Variants in CATSPER1 observed in about 807,000 individuals in gnomAD.
CATSPER1 encodes cation channel sperm associated 1.
A neutral mutation model predicts 72.7 loss-of-function variants in CATSPER1; 57 were observed. That is an observed-to-expected ratio of 0.78 (90% CI 0.63 to 0.98). The LOEUF is 0.98. Ranked by LOEUF, CATSPER1 falls within the 50% of genes least tolerant of loss-of-function variation. The pLI, the probability that CATSPER1 is intolerant of heterozygous loss-of-function variation, is 0.00. For synonymous variants in CATSPER1, 363 were observed against 403.0 expected (o/e 0.90, Z 1.19); for missense variants, 910 against 1,033.9 (o/e 0.88, Z 1.64).
In CATSPER1 at chr11:66,020,029, A is replaced by G. The variant is rs758624273; in HGVS notation, c.2125+111T>C. The G allele has an allele frequency of 3.9e-5, 47 of 1,204,342 alleles. No individual in the cohort carries two copies. The highest frequency in any genetic ancestry group is 5.7e-5 in the Non-Finnish European group (47 of 831,414). 74.6% of individuals were successfully genotyped at this position (1,204,342 alleles called of 1,614,324 possible). ...GTCCTCCTGAGTCTCAAATTCTAAA[A>G]CTCTAAAACTGAGTCTGGAATTCTG... is the stretch of plus-strand genomic sequence containing the variant. On this transcript the variant is annotated intron_variant, in intron 9 of 11. Coordinates refer to ENST00000312106, the MANE Select transcript of CATSPER1 (RefSeq NM_053054.4). The surrounding 1 kb of genome is among the most constrained non-coding windows in gnomAD (Gnocchi z 4.5).
rs1038503832 is a variant in CATSPER1 at position 66,017,243 on chromosome 11, C to T, written c.2202-69G>A. 3.3e-5 allele frequency: 36 copies of T among 1,105,750 alleles called. No individual in the cohort carries two copies. The Admixed American group carries it at 5.6e-4, about 17-fold the overall frequency. 68.5% of individuals were successfully genotyped at this position (1,105,750 alleles called of 1,614,324 possible). A position where few individuals can be genotyped will look rare whatever the true frequency, so the allele number is the denominator to read the frequency against. On this transcript the variant is annotated intron_variant, in intron 10 of 11. Transcript: ENST00000312106. ...CCTGCTGGCTGGGCCTACTGCACCCCAGAACCACCCAGAGGCTCTTCTTGC... is the reference window on the plus strand; with the variant it reads ...CCTGCTGGCTGGGCCTACTGCACCCTAGAACCACCCAGAGGCTCTTCTTGC...
At chr11:66,018,207 CAAAAAAA>C (rs539636076) in intron 10 of CATSPER1, among the ~76,000 whole-genome samples, 206 of 67,756 alleles carry the variant, frequency 3.0e-3, no homozygotes, top group African/African-American at 0.01. Context: ...GACCCTGTCT[CAAAAAAA>C]AAAAAAAAAG....
rs772665049 is a variant in CATSPER1, at chr11:66,026,255, TG to T, written c.124del (p.His42IlefsTer293). On this transcript the variant is annotated frameshift_variant, in exon 1 of 12. Transcript: ENST00000312106. LOFTEE classifies it high-confidence loss of function. ...HRPGHSRALH[H>X]YELHHHGVPH... is the part of the protein sequence containing the mutation. ...CACGCCGTGATGGTGCAACTCGTAA[TG>T]GTGGAGAGCTCTGCTGTGGCCTGGC... 6.2e-7 allele frequency: 1 copy of T among 1,613,968 alleles called. No individual in the cohort carries two copies. The highest frequency in any genetic ancestry group is 8.5e-7 in the Non-Finnish European group (1 of 1,179,926).
At position 66,017,119 on chromosome 11, in the gene CATSPER1, G is replaced by T; in HGVS notation, c.2257C>A (p.Gln753Lys). 6.3e-7 allele frequency: 1 copy of T among 1,587,356 alleles called. No individual in the cohort carries two copies. ...LQLVASVEQE[Q>K]QKFRSQAAVI... is the part of the protein sequence containing the mutation. ...GCTGCCTGGGAGCGGAACTTCTGCTGCTCCTGCTCCACGCTTGCCACCAGC... is the reference window on the plus strand; with the variant it reads ...GCTGCCTGGGAGCGGAACTTCTGCTTCTCCTGCTCCACGCTTGCCACCAGC... Residue 753 changes from glutamine (Q) to lysine (K), a missense_variant, in exon 11 of 12, where the codon CAG becomes AAG. By Grantham distance (53) the Gln-to-Lys change is moderately conservative (BLOSUM62 1). Transcript: ENST00000312106.
chr11:66,023,734 G>A (rs946529030), intron 1 of CATSPER1, among the ~76,000 whole-genome samples: 1 of 151,518 alleles, frequency 6.6e-6, no homozygotes, highest in South Asian at 2.1e-4. Flanking sequence ...TTGGCTTCTG[G>A]GGATCCTGAG....
At chr11:66,023,170 C>G in intron 1 of CATSPER1, 109 bp from the exon 2 acceptor site, 3 of 1,056,154 alleles carry the variant, frequency 2.8e-6, no homozygotes, top group Non-Finnish European at 4.3e-6. Flanking sequence ...TGCTTGCTGG[C>G]CCTCTGCCTC....
chr11:66,017,182 TG>T lies in CATSPER1; in HGVS notation c.2202-9del. 1.2e-5 allele frequency: 2 copies of T among 173,874 alleles called. No homozygotes were observed. Among genetic ancestry groups the T allele is most frequent in the South Asian group, 3.4e-5 (1 of 29,080 alleles). The allele number at this position is 173,874 out of a possible 1,614,324, so 10.8% of individuals were successfully genotyped here. A position where few individuals can be genotyped will look rare whatever the true frequency, so the allele number is the denominator to read the frequency against. ...AACAGGAGCTCCTGCTGCCTGCGGG[TG>T]GGCGGGGGGGTCGCAGAGACAGGGG... On this transcript the variant is annotated splice_polypyrimidine_tract_variant and intron_variant, in intron 10 of 11. Transcript: ENST00000312106.
At position 66,020,367 on chromosome 11, in the gene CATSPER1, C is replaced by A. The variant is rs12720434; in HGVS notation, c.2014G>T (p.Asp672Tyr). 6.2e-7 allele frequency: 1 copy of A among 1,614,114 alleles called. No homozygotes were observed. ...TTGAACAGCGCCGTCTGGAAGCTATCCACCAGGACAGTAATCACCAGGCTG... is the reference window on the plus strand; with the variant it reads ...TTGAACAGCGCCGTCTGGAAGCTATACACCAGGACAGTAATCACCAGGCTG... ...FLNLVITVLV[D>Y]SFQTALFKGL... is the part of the protein sequence containing the mutation. The change falls in exon 8 of 12, where the codon GAT becomes TAT. Residue 672 changes from aspartate (D) to tyrosine (Y), a missense_variant. Coordinates refer to ENST00000312106, the MANE Select transcript of CATSPER1 (RefSeq NM_053054.4). The surrounding 1 kb of genome is among the most constrained non-coding windows in gnomAD (Gnocchi z 4.5).
Position 66,020,078 on chromosome 11 carries a change from G to A in CATSPER1, c.2125+62C>T. ...TGTGACTGTGGAAGGAGGTTAGGGG[G>A]ATGGAGAGACTGGCCCCCACTGCGG... On this transcript the variant is annotated intron_variant, in intron 9 of 11. Transcript: ENST00000312106. The surrounding 1 kb of genome is among the most constrained non-coding windows in gnomAD (Gnocchi z 4.5). The A allele has an allele frequency of 6.5e-7, 1 of 1,533,616 alleles. No individual in the cohort carries two copies.
At position 66,025,234 on chromosome 11, in the gene CATSPER1, A is replaced by T; in HGVS notation, c.1146T>A (p.His382Gln). 6.2e-7 allele frequency: 1 copy of T among 1,614,126 alleles called. No individual in the cohort carries two copies. Among genetic ancestry groups the T allele is most frequent in the Non-Finnish European group, 8.5e-7 (1 of 1,180,026 alleles). Reference sequence around the variant, plus strand: ...AATGTTTGGTGGAGATATCCTGGGTATGGACTTTTTTGGACATCTGGGTGA... The same window carrying T: ...AATGTTTGGTGGAGATATCCTGGGTTTGGACTTTTTTGGACATCTGGGTGA... ...SRVTQMSKKV[H>Q]TQDISTKHSE... Residue 382 changes from histidine (H) to glutamine (Q), a missense_variant, in exon 1 of 12, where the codon CAT becomes CAA. Transcript: ENST00000312106.
At chr11:66,022,730 C>T (rs1856401192) in intron 2 of CATSPER1, 119 bp downstream of exon 2, 3 of 942,928 alleles carry the variant, frequency 3.2e-6, no homozygotes, top group Non-Finnish European at 5.1e-6. Flanking sequence ...ATCTACTTCC[C>T]AGGGGTGAGG....
In CATSPER1 at chr11:66,018,850, T is replaced by C. The variant is rs1414755819; in HGVS notation, c.2178A>G (p.Lys726=). ...ACTTCTCAGTCATGGTCCCAAACTT[T>C]TTCTCGATGAGCCGCTTCAGCATGG... The part of the protein sequence containing the change: ...EGTMLKRLIE[K]KFGTMTEKQQ... The change falls in exon 10 of 12, where the codon AAA becomes AAG. Residue 726 remains lysine, a synonymous_variant. Coordinates refer to ENST00000312106, the MANE Select transcript of CATSPER1 (RefSeq NM_053054.4). 1 of 1,613,690 alleles carries C rather than the reference T, an allele frequency of 6.2e-7. No homozygotes were observed. The highest frequency in any genetic ancestry group is 1.3e-5 in the African/African-American group (1 of 74,874).
intron 9 of CATSPER1, among the ~76,000 whole-genome samples, chr11:66,019,476 C>T (rs1474753959): frequency 6.6e-6 from 1 of 151,992 alleles, no homozygotes; most frequent in Non-Finnish European, 1.5e-5. Context: ...AGGGTTTCAC[C>T]ATGTTGGCCA....
chr11:66,021,098 G>C lies in CATSPER1; in HGVS notation c.1779C>G (p.Cys593Trp), dbSNP rs1215200412. 1.9e-6 allele frequency: 3 copies of C among 1,612,362 alleles called. No individual in the cohort carries two copies. In the Admixed American group the frequency reaches 5.0e-5, roughly 27 times the overall value. The change falls in exon 5 of 12, where the codon TGC becomes TGG. Residue 593 changes from cysteine (C) to tryptophan (W), a missense_variant. Transcript: ENST00000312106. The part of the protein sequence containing the change: ...IAAILILMFT[C>W]LFLFSAVLRA... ...GCCCCTGCAGCACCAGGATACAGAGGCAGGTAAACATGAGGATGAGGATGG... is the reference window on the plus strand; with the variant it reads ...GCCCCTGCAGCACCAGGATACAGAGCCAGGTAAACATGAGGATGAGGATGG...
intron 4 of CATSPER1, 134 bp downstream of exon 4, chr11:66,021,362 A>T (rs953577725): frequency 1.6e-6 from 2 of 1,284,854 alleles, no homozygotes; most frequent in African/African-American, 3.0e-5. Flanking sequence ...GACAGAAGGC[A>T]GAAGCAGGCT....
chr11:66,020,746 AC>A lies in CATSPER1; in HGVS notation c.1927+64del. On this transcript the variant is annotated intron_variant, in intron 6 of 11. Transcript: ENST00000312106. The surrounding 1 kb of genome is among the most constrained non-coding windows in gnomAD (Gnocchi z 4.5). Reference sequence around the variant, plus strand: ...GAAGCCCCACTTTGCCGATGGGGTCACTGAGCCCTGGCCGGTCCACCCCGCC... The same window carrying A: ...GAAGCCCCACTTTGCCGATGGGGTCATGAGCCCTGGCCGGTCCACCCCGCC... 2.5e-6 allele frequency: 4 copies of A among 1,610,252 alleles called. No homozygotes were observed. The South Asian group carries it at 4.4e-5, about 18-fold the overall frequency.
intron 1 of CATSPER1, among the ~76,000 whole-genome samples, chr11:66,023,784 G>A (rs902424630): frequency 6.6e-6 from 1 of 151,766 alleles, no homozygotes; most frequent in African/African-American, 2.4e-5. Context: ...CTTTGCTCAC[G>A]TGGCAACTTA....
At position 66,020,901 on chromosome 11, in the gene CATSPER1, A is replaced by G; in HGVS notation, c.1837T>C (p.Phe613Leu). Residue 613 changes from phenylalanine (F) to leucine (L), a missense_variant, in exon 6 of 12, where the codon TTC becomes CTC. Phe to Leu is a conservative substitution (Grantham distance 22, BLOSUM62 0). Coordinates refer to ENST00000312106, the MANE Select transcript of CATSPER1 (RefSeq NM_053054.4). This position sits in a 1 kb window ranked among gnomAD's most constrained non-coding sequence, Gnocchi z 4.5. ...AAGATGGTGGTGAAGATGTTCTGGAAGCGCTTGGGGTCAGATTTGCGGAAC... is the reference window on the plus strand; with the variant it reads ...AAGATGGTGGTGAAGATGTTCTGGAGGCGCTTGGGGTCAGATTTGCGGAAC... ...ALFRKSDPKRFQNIFTTIFTL... is the reference protein window; with the variant it reads ...ALFRKSDPKRLQNIFTTIFTL... 6.2e-7 allele frequency: 1 copy of G among 1,614,042 alleles called. No homozygotes were observed. Among genetic ancestry groups the G allele is most frequent in the Non-Finnish European group, 8.5e-7 (1 of 1,180,016 alleles).
At chr11:66,021,475 G>C in intron 4 of CATSPER1, 21 bp downstream of exon 4, 2 of 1,611,376 alleles carry the variant, frequency 1.2e-6, no homozygotes, top group Middle Eastern at 3.3e-4. Context: ...CCCACCCCAG[G>C]TGGGAGCCGT....
Sources: allele counts gnomAD v4.1 joint callset (sites outside exome capture counted in the v4.1 genomes callset), GRCh38; gene constraint gnomAD v4.1.1; non-coding constraint Gnocchi (gnomAD v3.1); transcripts MANE v1.5; gene names NCBI Gene and HGNC (gene_info 2026-07-23, HGNC 2026-07-21).